LPP: variants seen among roughly 807,000 people sequenced by gnomAD.
LPP encodes lipoma-preferred partner.
Under a neutral mutation model 60.4 loss-of-function variants are expected in LPP, and 38 were observed. The observed-to-expected ratio is 0.63, with a 90% CI of 0.49 to 0.83. The LOEUF (loss-of-function observed/expected upper bound fraction) is 0.83. Among genes scored for constraint, LPP ranks in the 40% least tolerant of loss-of-function variants. The probability of loss-of-function intolerance (pLI) is 0.00; values close to 1 mark genes in which losing one functional copy is unlikely to be tolerated. For synonymous variants in LPP, 328 were observed against 290.8 expected, an observed-to-expected ratio of 1.13 and a Z score of -1.30; for missense variants, 902 against 783.6, an observed-to-expected ratio of 1.15 and a Z score of -1.80.
chr3:188,740,477 T>A (rs112101259), intron 8 of LPP, among the ~76,000 whole-genome samples: 1 of 152,138 alleles, frequency 6.6e-6, no homozygotes, highest in African/African-American at 2.4e-5. Context: ...TAATCCATTA[T>A]GAATATTTTA....
intron 7 of LPP, among the ~76,000 whole-genome samples, chr3:188,633,604 T>C (rs936338338): frequency 2.6e-5 from 4 of 152,182 alleles, no homozygotes; most frequent in Admixed American, 2.0e-4. Flanking sequence ...CATATTCTAA[T>C]GGCATGAGTA....
intron 7 of LPP, among the ~76,000 whole-genome samples, chr3:188,672,096 T>A (rs946693305): frequency 1.4e-4 from 21 of 152,216 alleles, no homozygotes; most frequent in Non-Finnish European, 2.6e-4. Flanking sequence ...ACTTGAGGTA[T>A]CAAACTGAAC....
intron 3 of LPP, 138 bp downstream of exon 3, chr3:188,341,857 A>G (rs1763144594): frequency 5.2e-6 from 1 of 190,656 alleles, no homozygotes; most frequent in Non-Finnish European, 9.7e-6. Context: ...AATGGCCAAG[A>G]CAGTGAGCTG....
intron 1 of LPP, among the ~76,000 whole-genome samples, chr3:188,205,232 C>G (rs909453285): frequency 6.7e-6 from 1 of 148,938 alleles, no homozygotes; most frequent in Non-Finnish European, 1.5e-5. Context: ...AAATAACTTG[C>G]TTATAACTTG....
At chr3:188,463,576 C>T (rs1799651143) in intron 4 of LPP, among the ~76,000 whole-genome samples, 1 of 152,004 alleles carries the variant, frequency 6.6e-6, no homozygotes. Context: ...ATTTTCTTAC[C>T]CATCTTTGCA....
chr3:188,522,783 A>AT (rs2150157689), intron 5 of LPP, among the ~76,000 whole-genome samples: 1 of 54,144 alleles, frequency 1.8e-5, no homozygotes, highest in African/African-American at 6.9e-5. Context: ...TGATAATATG[A>AT]AATATATATA....
chr3:188,365,687 CT>C (rs113781032), intron 3 of LPP, among the ~76,000 whole-genome samples: 11,629 of 137,346 alleles, frequency 0.085, 553 homozygotes, highest in East Asian at 0.26. Flanking sequence ...TTTTCTTCTT[CT>C]TTTTTTTTTT....
At chr3:188,716,002 T>TA (rs1177761270) in intron 8 of LPP, among the ~76,000 whole-genome samples, 13 of 152,016 alleles carry the variant, frequency 8.6e-5, no homozygotes, top group African/African-American at 1.4e-4. Flanking sequence ...ATTCCTTCTT[T>TA]AAAAAAAAGC....
At chr3:188,187,554 C>G (rs886154562) in intron 1 of LPP, among the ~76,000 whole-genome samples, 2 of 151,902 alleles carry the variant, frequency 1.3e-5, no homozygotes, top group African/African-American at 4.8e-5. Flanking sequence ...TACCATATCT[C>G]TTATGTATTC....
Position 188,890,589 on chromosome 3 carries a change from G to T in LPP, c.*16110G>T. 1 of 175,752 alleles carries T rather than the reference G, an allele frequency of 5.7e-6. No homozygotes were observed. The highest frequency in any genetic ancestry group is 1.2e-5 in the Non-Finnish European group (1 of 81,636). The allele number at this position is 175,752 out of a possible 1,614,324, so 10.9% of individuals were successfully genotyped here. On this transcript the variant is annotated 3_prime_UTR_variant, in exon 12 of 12. Transcript: ENST00000617246. ...TTCAATGCTCTATAAGAATGAATAT[G>T]GAAATTATATTTCTTTTTTCTGTAA...
chr3:188,495,316 G>A (rs1006791752), intron 5 of LPP, among the ~76,000 whole-genome samples: 28 of 149,444 alleles, frequency 1.9e-4, no homozygotes, highest in African/African-American at 6.9e-4. Context: ...CAGTGCCTTG[G>A]TAATAAAATA....
chr3:188,240,599 T>A (rs896722611), intron 2 of LPP, among the ~76,000 whole-genome samples: 1 of 152,254 alleles, frequency 6.6e-6, no homozygotes, highest in Admixed American at 6.5e-5. Flanking sequence ...GTAGTTAGGA[T>A]ATTAGACCAG....
intron 7 of LPP, among the ~76,000 whole-genome samples, chr3:188,632,174 AT>A (rs1312096739): frequency 3.3e-5 from 5 of 151,998 alleles, no homozygotes; most frequent in African/African-American, 1.2e-4. Context: ...TCAAACATTT[AT>A]TTAGTGTATA....
intron 8 of LPP, among the ~76,000 whole-genome samples, chr3:188,742,650 T>C (rs1380433983): frequency 2.0e-5 from 3 of 152,000 alleles, no homozygotes; most frequent in Non-Finnish European, 4.4e-5. Context: ...TTGCTGAGGC[T>C]GGGAGTGGGG....
intron 9 of LPP, among the ~76,000 whole-genome samples, chr3:188,791,855 G>C (rs986992939): frequency 6.6e-6 from 1 of 152,032 alleles, no homozygotes; most frequent in Admixed American, 6.5e-5. Context: ...TTTTGGTTTT[G>C]TTTGCCTGCA....
intron 3 of LPP, among the ~76,000 whole-genome samples, chr3:188,374,658 C>A (rs951273752): frequency 1.2e-4 from 18 of 152,190 alleles, no homozygotes; most frequent in Admixed American, 7.2e-4. Context: ...GCAAACAGGG[C>A]CAATTTGACT....
intron 7 of LPP, among the ~76,000 whole-genome samples, chr3:188,630,930 C>G (rs1191814064): frequency 2.0e-5 from 3 of 152,110 alleles, no homozygotes; most frequent in East Asian, 3.9e-4. Context: ...AACGGAAAAC[C>G]AAATACCACA....
Position 188,715,333 on chromosome 3 carries a change from G to A in LPP, c.1240+6940G>A, listed in dbSNP as rs12638575. Among the ~76,000 whole-genome samples the A allele has an allele frequency of 5.4e-3, 689 of 127,950 alleles. 25 individuals carry two copies. The East Asian group carries it at 0.087, about 16-fold the overall frequency. The allele number at this position is 127,950 out of a possible 152,430, so 83.9% of individuals were successfully genotyped here. A position where few individuals can be genotyped will look rare whatever the true frequency, so the allele number is the denominator to read the frequency against. On this transcript the variant is annotated intron_variant, in intron 8 of 11. Transcript: ENST00000617246. Reference sequence around the variant, plus strand: ...GCGGAGGTTACAGTGAGCCAAGATCGTGCCACTGCACTCCAGCCTGGTGAC... The same window carrying A: ...GCGGAGGTTACAGTGAGCCAAGATCATGCCACTGCACTCCAGCCTGGTGAC...
intron 9 of LPP, among the ~76,000 whole-genome samples, chr3:188,769,997 A>T (rs1330789089): frequency 2.0e-5 from 3 of 152,142 alleles, no homozygotes; most frequent in African/African-American, 7.2e-5. Context: ...GAATGTCAGC[A>T]TCAGGCTACT....
Sources: gnomAD v4.1 joint callset for allele counts (sites outside exome capture counted in the v4.1 genomes callset) on GRCh38, gnomAD v4.1.1 for gene constraint, MANE v1.5 for transcripts, NCBI Gene and HGNC (gene_info 2026-07-23, HGNC 2026-07-21) for gene names.